Variants in AGAP1 observed in about 807,000 individuals in gnomAD.
AGAP1 encodes the protein ArfGAP with GTPase domain, ankyrin repeat and PH domain 1, also known as arf-GAP with GTPase, ANK repeat and PH domain-containing protein 1.
A neutral mutation model predicts 105.3 loss-of-function variants in AGAP1; 29 were observed. The ratio of observed to expected loss-of-function variants is 0.28; its 90% CI spans 0.21 to 0.38. AGAP1 has a LOEUF of 0.38. AGAP1 is among the 10% of genes least tolerant of loss of function. The pLI is 1.00. For synonymous variants in AGAP1, 509 were observed against 485.9 expected, an observed-to-expected ratio of 1.05 and a Z score of -0.63; for missense variants, 998 against 1,165.1, an observed-to-expected ratio of 0.86 and a Z score of 2.09.
At chr2:235,525,515 A>G (rs1022787905) in intron 1 of AGAP1, among the ~76,000 whole-genome samples, 1 of 152,170 alleles carries the variant, frequency 6.6e-6, no homozygotes, top group African/African-American at 2.4e-5. Flanking sequence ...TGGAGGACTG[A>G]TACATAATGT....
intron 9 of AGAP1, among the ~76,000 whole-genome samples, chr2:235,819,117 C>CTT (rs1235692784): frequency 2.2e-4 from 16 of 74,042 alleles, no homozygotes; most frequent in African/African-American, 4.5e-4. Context: ...CTTTTCTTTT[C>CTT]TTTTTTTTTT....
At position 236,044,066 on chromosome 2, in the gene AGAP1, C is replaced by T. The variant is rs2057642190; in HGVS notation, c.1891+3225C>T. 1.3e-5 allele frequency among the ~76,000 whole-genome samples: 2 copies of T among 152,178 alleles called. No individual in the cohort carries two copies. Among genetic ancestry groups the T allele is most frequent in the African/African-American group, 4.8e-5 (2 of 41,448 alleles). ...CAGAGCACTGTTTCCAGAGTGGACG[C>T]TGAGCCTCTGGAGCTTTGGGGGTGC... is the stretch of plus-strand genomic sequence containing the variant. On this transcript the variant is annotated intron_variant, in intron 15 of 17. Coordinates refer to ENST00000304032, the MANE Select transcript of AGAP1 (RefSeq NM_001037131.3). This position sits in a 1 kb window ranked among gnomAD's most constrained non-coding sequence, Gnocchi z 5.7.
chr2:236,041,987 G>C (rs1468866755), intron 15 of AGAP1, among the ~76,000 whole-genome samples: 1 of 152,228 alleles, frequency 6.6e-6, no homozygotes, highest in Non-Finnish European at 1.5e-5. Context: ...TGTAGGATTA[G>C]AGATGCTTTT....
chr2:235,738,622 A>G (rs1046871450), intron 3 of AGAP1, among the ~76,000 whole-genome samples: 3 of 151,430 alleles, frequency 2.0e-5, no homozygotes, highest in African/African-American at 4.9e-5. Context: ...CAGTGGCGCA[A>G]TCTCGGCTCC....
chr2:235,810,237 G>T (rs1958061249), intron 9 of AGAP1, among the ~76,000 whole-genome samples: 1 of 152,184 alleles, frequency 6.6e-6, no homozygotes, highest in Non-Finnish European at 1.5e-5. Flanking sequence ...CATTCTCCGG[G>T]TGGGAGGCGT....
In AGAP1 at chr2:235,659,832, GA is replaced by G. The variant is rs1293149395; in HGVS notation, c.164-49345del. 4.6e-5 allele frequency among the ~76,000 whole-genome samples: 7 copies of G among 152,216 alleles called. No homozygotes were observed. Among genetic ancestry groups the G allele is most frequent in the Admixed American group, 4.6e-4 (7 of 15,284 alleles). ...TAAGCCCTCGGATGCGAAATCTGGG[GA>G]ACCAGCCAGCCACCTCTGGTCCTGG... On this transcript the variant is annotated intron_variant, in intron 1 of 17. Transcript: ENST00000304032. This position sits in a 1 kb window ranked among gnomAD's most constrained non-coding sequence, Gnocchi z 5.0.
rs2058688826 is a variant in AGAP1 at position 236,078,073 on chromosome 2, GTA to G, written c.2114+28793_2114+28794del. The stretch of plus-strand genomic sequence containing the variant: ...TGTGTGTGTGTGTGTGTGTGTGTGT[GTA>G]ATCTGAAGTGTGTAGGGCAGGCCAG... On this transcript the variant is annotated intron_variant, in intron 16 of 17. Coordinates refer to ENST00000304032, the MANE Select transcript of AGAP1 (RefSeq NM_001037131.3). This position sits in a 1 kb window ranked among gnomAD's most constrained non-coding sequence, Gnocchi z 5.3. 1.3e-5 allele frequency among the ~76,000 whole-genome samples: 2 copies of G among 149,820 alleles called. No homozygotes were observed. Among genetic ancestry groups the G allele is most frequent in the South Asian group, 4.2e-4 (2 of 4,746 alleles).
intron 13 of AGAP1, 34 bp downstream of exon 13, chr2:235,968,657 C>T (rs369512480): frequency 6.3e-7 from 1 of 1,582,450 alleles, no homozygotes; most frequent in East Asian, 2.3e-5. Flanking sequence ...GAGAGAGTCT[C>T]CACTGCGGAA....
intron 1 of AGAP1, among the ~76,000 whole-genome samples, chr2:235,699,880 C>T (rs1447517900): frequency 6.6e-6 from 1 of 152,190 alleles, no homozygotes; most frequent in East Asian, 1.9e-4. Flanking sequence ...CCAGAAGTGC[C>T]AGGGAGGCTG....
intron 9 of AGAP1, among the ~76,000 whole-genome samples, chr2:235,816,966 T>A (rs576994875): frequency 6.6e-6 from 1 of 152,198 alleles, no homozygotes; most frequent in Non-Finnish European, 1.5e-5. Context: ...TTCTGCAGTA[T>A]TTATTTAACA....
chr2:235,680,896 T>G (rs752787269), intron 1 of AGAP1, among the ~76,000 whole-genome samples: 10 of 152,138 alleles, frequency 6.6e-5, no homozygotes, highest in Non-Finnish European at 1.5e-4. Flanking sequence ...ACTGGGACTG[T>G]GAACCCAGAT....
At position 236,109,786 on chromosome 2, in the gene AGAP1, A is replaced by G. The variant is rs1191049043; in HGVS notation, c.2115-10406A>G. Among the ~76,000 whole-genome samples, 1 of 152,212 alleles carries G rather than the reference A, an allele frequency of 6.6e-6. No homozygotes were observed. Among genetic ancestry groups the G allele is most frequent in the Admixed American group, 6.5e-5 (1 of 15,274 alleles). On this transcript the variant is annotated intron_variant, in intron 16 of 17. Transcript: ENST00000304032. This position sits in a 1 kb window ranked among gnomAD's most constrained non-coding sequence, Gnocchi z 5.4. Reference sequence around the variant, plus strand: ...TGTGTCTAAAGGAACTGTGTTTTTAATGTTATTTTGTTTCAATTCACGTCA... The same window carrying G: ...TGTGTCTAAAGGAACTGTGTTTTTAGTGTTATTTTGTTTCAATTCACGTCA...
In AGAP1 at chr2:235,631,330, G is replaced by A. The variant is rs1030759382; in HGVS notation, c.164-77849G>A. Reference sequence around the variant, plus strand: ...GTTCAACTGAAAAGTCAAGCATGGCGCAAGGAAGGACGATGGATTAGCCAA... The same window carrying A: ...GTTCAACTGAAAAGTCAAGCATGGCACAAGGAAGGACGATGGATTAGCCAA... On this transcript the variant is annotated intron_variant, in intron 1 of 17. Coordinates refer to ENST00000304032, the MANE Select transcript of AGAP1 (RefSeq NM_001037131.3). The surrounding 1 kb of genome is among the most constrained non-coding windows in gnomAD (Gnocchi z 5.4). 2.6e-5 allele frequency among the ~76,000 whole-genome samples: 4 copies of A among 152,142 alleles called. No individual in the cohort carries two copies. The highest frequency in any genetic ancestry group is 2.1e-4 in the South Asian group (1 of 4,820).
rs572674447 is a variant in AGAP1 at position 235,719,622 on chromosome 2, G to A, written c.310+1978G>A. ...TTTTTAAGAGTAGGAGCGTGGGTGA[G>A]TACCTTCCTTTCTTCATCTGCAAAG... On this transcript the variant is annotated intron_variant, in intron 3 of 17. Transcript: ENST00000304032. The surrounding 1 kb of genome is among the most constrained non-coding windows in gnomAD (Gnocchi z 4.9). Among the ~76,000 whole-genome samples the A allele has an allele frequency of 4.1e-4, 63 of 152,304 alleles. No individual in the cohort carries two copies. Among genetic ancestry groups the A allele is most frequent in the Admixed American group, 1.3e-3 (20 of 15,302 alleles).
intron 1 of AGAP1, chr2:235,670,673 G>C (rs13014733): frequency 7.5e-6 from 5 of 665,358 alleles, no homozygotes; most frequent in Admixed American, 6.8e-5. Context: ...GGCCGCGGCC[G>C]GGACCACCCT....
chr2:235,556,556 G>A lies in AGAP1; in HGVS notation c.163+61707G>A, dbSNP rs745741954. 3.0e-4 allele frequency among the ~76,000 whole-genome samples: 45 copies of A among 152,308 alleles called. No individual in the cohort carries two copies. The highest frequency in any genetic ancestry group is 1.1e-3 in the African/African-American group (44 of 41,572). On this transcript the variant is annotated intron_variant, in intron 1 of 17. Coordinates refer to ENST00000304032, the MANE Select transcript of AGAP1 (RefSeq NM_001037131.3). This position sits in a 1 kb window ranked among gnomAD's most constrained non-coding sequence, Gnocchi z 5.3. ...TTTCTGCTCTGACCAGGCACCTTGG[G>A]GGAGGGAAGGCATCAGGAGCCTTCT...
chr2:235,583,698 G>A (rs1410909636), intron 1 of AGAP1, among the ~76,000 whole-genome samples: 5 of 151,002 alleles, frequency 3.3e-5, no homozygotes, highest in Non-Finnish European at 7.4e-5. Context: ...CTAACATGGT[G>A]AAACCCCATC....
rs1301858417 is a variant in AGAP1, at chr2:235,728,894, C to T, written c.310+11250C>T. ...GAAGAAGGGAGGTTTGGAGCCTGGA[C>T]GAGAGCAGGGGTTGTGGAGGAATGG... On this transcript the variant is annotated intron_variant, in intron 3 of 17. Transcript: ENST00000304032. The surrounding 1 kb of genome is among the most constrained non-coding windows in gnomAD (Gnocchi z 4.3). 1.3e-5 allele frequency among the ~76,000 whole-genome samples: 2 copies of T among 152,042 alleles called. No individual in the cohort carries two copies. The highest frequency in any genetic ancestry group is 2.4e-5 in the African/African-American group (1 of 41,406).
At position 236,051,549 on chromosome 2, in the gene AGAP1, G is replaced by A. The variant is rs138030231; in HGVS notation, c.2114+2268G>A. Among the ~76,000 whole-genome samples, 1,246 of 152,206 alleles carry A rather than the reference G, an allele frequency of 8.2e-3. 8 individuals are homozygous for A. Among genetic ancestry groups the A allele is most frequent in the Non-Finnish European group, 0.015 (1,010 of 68,000 alleles). ...GAGTGGCCTCGGTGGATGCAGGCTC[G>A]GCCGGGCCTGTGGGGAGGTGTGCCT... On this transcript the variant is annotated intron_variant, in intron 16 of 17. Transcript: ENST00000304032. This position sits in a 1 kb window ranked among gnomAD's most constrained non-coding sequence, Gnocchi z 5.9.
Sources: gnomAD v4.1 joint callset for allele counts (sites outside exome capture counted in the v4.1 genomes callset) on GRCh38, gnomAD v4.1.1 for gene constraint, Gnocchi (gnomAD v3.1) non-coding constraint, MANE v1.5 for transcripts, NCBI Gene and HGNC (gene_info 2026-07-23, HGNC 2026-07-21) for gene names.